The following NAV2 variants were observed in gnomAD, a reference collection of about 807,000 sequenced individuals.
NAV2 encodes the protein neuron navigator 2.
In NAV2, 54 loss-of-function variants were observed where a neutral mutation model predicts 223.2. The observed-to-expected ratio is 0.24, with a 90% CI of 0.19 to 0.30. The LOEUF is 0.30. Among genes scored for constraint, NAV2 ranks in the 10% least tolerant of loss-of-function variants. The pLI is 1.00. For synonymous variants in NAV2, 1,279 were observed against 1,239.3 expected, an observed-to-expected ratio of 1.03 and a Z score of -0.67; for missense variants, 2,806 against 3,147.5, an observed-to-expected ratio of 0.89 and a Z score of 2.60.
intron 17 of NAV2, among the ~76,000 whole-genome samples, chr11:20,051,589 G>C (rs571655611): frequency 9.2e-5 from 14 of 152,310 alleles, no homozygotes; most frequent in Admixed American, 2.6e-4. Context: ...ACATCCCTGG[G>C]CAAGCCCAAG....
At chr11:19,739,087 G>C (rs2052580618) in intron 1 of NAV2, among the ~76,000 whole-genome samples, 1 of 152,164 alleles carries the variant, frequency 6.6e-6, no homozygotes, top group African/African-American at 2.4e-5. Context: ...AGGCTAAGGT[G>C]GGAGGATCAC....
At chr11:19,895,664 G>A (rs2041917479) in intron 6 of NAV2, among the ~76,000 whole-genome samples, 1 of 152,090 alleles carries the variant, frequency 6.6e-6, no homozygotes, top group African/African-American at 2.4e-5. Context: ...AACTGATGGT[G>A]GTCCCAGTCT....
intron 6 of NAV2, among the ~76,000 whole-genome samples, chr11:19,902,593 A>G (rs2042538580): frequency 6.6e-6 from 1 of 152,202 alleles, no homozygotes; most frequent in Non-Finnish European, 1.5e-5. Flanking sequence ...TGTTCATCCG[A>G]TCTTCAGATG....
chr11:19,722,191 A>G (rs1283464779), intron 1 of NAV2, among the ~76,000 whole-genome samples: 1 of 152,204 alleles, frequency 6.6e-6, no homozygotes, highest in Non-Finnish European at 1.5e-5. Context: ...TTGTTCTTTC[A>G]TGAGAATGGT....
intron 1 of NAV2, among the ~76,000 whole-genome samples, chr11:19,535,838 A>G (rs2044170853): frequency 6.6e-6 from 1 of 152,162 alleles, no homozygotes; most frequent in Non-Finnish European, 1.5e-5. Context: ...GAAAGCACAC[A>G]ATAAATGTGC....
chr11:19,377,258 A>G (rs1235846134), intron 1 of NAV2, among the ~76,000 whole-genome samples: 2 of 152,198 alleles, frequency 1.3e-5, no homozygotes, highest in African/African-American at 2.4e-5. Context: ...GAAGGGTGCT[A>G]TCTATGTCTT....
intron 1 of NAV2, among the ~76,000 whole-genome samples, chr11:19,734,736 G>A (rs776937561): frequency 6.6e-5 from 10 of 152,182 alleles, no homozygotes; most frequent in Non-Finnish European, 1.3e-4. Flanking sequence ...AATGGAAAGG[G>A]CTGGGGTCTC....
chr11:19,560,484 C>T (rs2134758220), intron 1 of NAV2, among the ~76,000 whole-genome samples: 1 of 152,276 alleles, frequency 6.6e-6, no homozygotes, highest in African/African-American at 2.4e-5. Flanking sequence ...AGCAATGTGC[C>T]TCAGATGTCT....
chr11:19,550,983 T>C (rs945129921), intron 1 of NAV2, among the ~76,000 whole-genome samples: 33 of 152,240 alleles, frequency 2.2e-4, no homozygotes, highest in African/African-American at 7.7e-4. Flanking sequence ...TAAAGATGAC[T>C]GCAAAACTGC....
chr11:19,564,820 A>T (rs1254249159), intron 1 of NAV2, among the ~76,000 whole-genome samples: 1 of 152,198 alleles, frequency 6.6e-6, no homozygotes, highest in East Asian at 1.9e-4. Flanking sequence ...AGAGCCACGC[A>T]GCCAATGAGC....
intron 1 of NAV2, among the ~76,000 whole-genome samples, chr11:19,587,057 C>T (rs562068586): frequency 6.6e-6 from 1 of 152,224 alleles, no homozygotes. Context: ...CTTTGTTTAC[C>T]TACTCAAGCC....
intron 1 of NAV2, among the ~76,000 whole-genome samples, chr11:19,767,111 A>G (rs1018455968): frequency 3.9e-5 from 6 of 152,222 alleles, no homozygotes; most frequent in Non-Finnish European, 8.8e-5. Context: ...CCCAGGAACC[A>G]GGTCAGGGAA....
chr11:19,511,308 C>T (rs1483635054), intron 1 of NAV2: 1 of 152,094 alleles, frequency 6.6e-6, no homozygotes, highest in Non-Finnish European at 1.5e-5. Context: ...GCAGACAAAC[C>T]CCAGGATGCT....
intron 1 of NAV2, among the ~76,000 whole-genome samples, chr11:19,354,156 A>G (rs1323962957): frequency 6.6e-6 from 1 of 152,226 alleles, no homozygotes; most frequent in Non-Finnish European, 1.5e-5. Context: ...AGTATTTATG[A>G]AGTGCCTCCT....
At chr11:20,117,265 G>A (rs2063188767) in intron 37 of NAV2, among the ~76,000 whole-genome samples, 1 of 152,116 alleles carries the variant, frequency 6.6e-6, no homozygotes, top group Non-Finnish European at 1.5e-5. Flanking sequence ...TGTAAACAAG[G>A]GCAGATTCAA....
At chr11:19,568,337 T>G (rs77191702) in intron 1 of NAV2, among the ~76,000 whole-genome samples, 5,534 of 152,246 alleles carry the variant, frequency 0.036, 215 homozygotes, top group East Asian at 0.18. Context: ...ACTGAGACCC[T>G]GAGAGAGGCT....
intron 1 of NAV2, among the ~76,000 whole-genome samples, chr11:19,669,191 G>C (rs2048509051): frequency 6.6e-6 from 1 of 152,202 alleles, no homozygotes; most frequent in African/African-American, 2.4e-5. Flanking sequence ...AATTGCACAA[G>C]CTATCTGCAA....
intron 1 of NAV2, among the ~76,000 whole-genome samples, chr11:19,668,007 C>G (rs1590061731): frequency 1.3e-5 from 2 of 152,146 alleles, no homozygotes; most frequent in African/African-American, 4.8e-5. Context: ...CTAAATCCCC[C>G]CAAACTCCCC....
At chr11:19,797,902 T>C (rs373568038) in intron 1 of NAV2, among the ~76,000 whole-genome samples, 86 of 152,268 alleles carry the variant, frequency 5.6e-4, no homozygotes, top group African/African-American at 2.0e-3. Flanking sequence ...TGGTATGAGT[T>C]CTGGAAATAC....
Sources: gnomAD v4.1 joint callset for allele counts (sites outside exome capture counted in the v4.1 genomes callset) on GRCh38, gnomAD v4.1.1 for gene constraint, MANE v1.5 for transcripts, NCBI Gene and HGNC (gene_info 2026-07-23, HGNC 2026-07-21) for gene names.